CTNNA2: variants seen among roughly 807,000 people sequenced by gnomAD.
CTNNA2 encodes catenin alpha 2.
Under a neutral mutation model 101.0 loss-of-function variants are expected in CTNNA2, and 42 were observed. The observed-to-expected ratio is 0.42, with a 90% CI of 0.32 to 0.54. The LOEUF is 0.54. Ranked by LOEUF, CTNNA2 falls within the 20% of genes least tolerant of loss-of-function variation. CTNNA2 has a pLI of 0.14. For missense variants in CTNNA2, 871 were observed against 1,223.1 expected (o/e 0.71, Z 4.29); for synonymous variants, 450 against 456.4 (o/e 0.99, Z 0.18).
At chr2:80,637,270 T>C (rs748497515) in intron 18 of CTNNA2, among the ~76,000 whole-genome samples, 4 of 152,228 alleles carry the variant, frequency 2.6e-5, no homozygotes, top group Non-Finnish European at 4.4e-5. Flanking sequence ...CATTATCTCA[T>C]TTAATGCTTT....
chr2:79,845,591 A>T (rs1196113016), intron 3 of CTNNA2, among the ~76,000 whole-genome samples: 3 of 151,946 alleles, frequency 2.0e-5, no homozygotes, highest in Non-Finnish European at 2.9e-5. Context: ...TTTTAACTTT[A>T]TTTTACTTAT....
chr2:79,848,841 T>A (rs773799123), intron 3 of CTNNA2, among the ~76,000 whole-genome samples: 1 of 152,168 alleles, frequency 6.6e-6, no homozygotes, highest in South Asian at 2.1e-4. Flanking sequence ...CAGAACCATG[T>A]GGCTATAGTG....
At chr2:80,236,095 G>T (rs2149083402) in intron 7 of CTNNA2, among the ~76,000 whole-genome samples, 1 of 152,286 alleles carries the variant, frequency 6.6e-6, no homozygotes, top group Non-Finnish European at 1.5e-5. Context: ...GTTTGCTAGG[G>T]ATAATGGCCT....
chr2:80,521,953 TAAATG>T (rs780502092), intron 9 of CTNNA2, among the ~76,000 whole-genome samples: 6 of 152,258 alleles, frequency 3.9e-5, no homozygotes, highest in East Asian at 1.9e-4. Context: ...AGGAGTAACT[TAAATG>T]AAGAGAGGGA....
At chr2:80,645,021 T>G (rs1558675676) in intron 18 of CTNNA2, among the ~76,000 whole-genome samples, 1 of 152,130 alleles carries the variant, frequency 6.6e-6, no homozygotes, top group Non-Finnish European at 1.5e-5. Context: ...TCTCTTCAGA[T>G]CAGCTCAATT....
chr2:79,201,036 G>T (rs577041927), intron 2 of CTNNA2, among the ~76,000 whole-genome samples: 1 of 152,072 alleles, frequency 6.6e-6, no homozygotes, highest in Non-Finnish European at 1.5e-5. Context: ...CTAGCAAAAA[G>T]ATGGCCTTGT....
chr2:79,765,685 C>G (rs1010341009), intron 3 of CTNNA2, among the ~76,000 whole-genome samples: 3 of 152,160 alleles, frequency 2.0e-5, no homozygotes, highest in Non-Finnish European at 4.4e-5. Context: ...TTCTCCCCCA[C>G]AGGAATATGC....
At chr2:79,272,336 TA>T (rs552404824) in intron 2 of CTNNA2, among the ~76,000 whole-genome samples, 1 of 151,680 alleles carries the variant, frequency 6.6e-6, no homozygotes. Context: ...CATAACAGAT[TA>T]AAAAAAAGAG....
chr2:80,169,309 G>C (rs1028841778), intron 7 of CTNNA2, among the ~76,000 whole-genome samples: 1 of 152,186 alleles, frequency 6.6e-6, no homozygotes, highest in Non-Finnish European at 1.5e-5. Context: ...GCTGGGATCG[G>C]AGGGGAGAGG....
chr2:79,435,300 T>C (rs941442223), intron 4 of CTNNA2, among the ~76,000 whole-genome samples: 4 of 152,196 alleles, frequency 2.6e-5, no homozygotes, highest in African/African-American at 9.6e-5. Context: ...TGTTGTCATA[T>C]GGCCTGCTTA....
At chr2:79,765,930 A>G (rs1037810762) in intron 3 of CTNNA2, among the ~76,000 whole-genome samples, 2 of 152,182 alleles carry the variant, frequency 1.3e-5, no homozygotes, top group African/African-American at 4.8e-5. Context: ...CACGTTGTCA[A>G]TGCTCAGTAT....
At chr2:79,592,048 T>G (rs1676891232) in intron 1 of CTNNA2, among the ~76,000 whole-genome samples, 1 of 151,904 alleles carries the variant, frequency 6.6e-6, no homozygotes, top group African/African-American at 2.4e-5. Flanking sequence ...CTTTCTGTTT[T>G]CCTCTTACTT....
intron 2 of CTNNA2, among the ~76,000 whole-genome samples, chr2:79,684,178 A>G (rs1683775427): frequency 6.6e-6 from 1 of 152,216 alleles, no homozygotes; most frequent in African/African-American, 2.4e-5. Flanking sequence ...AGAATGATGC[A>G]TTTCCAAAAT....
At chr2:80,460,027 C>G (rs1419271912) in intron 9 of CTNNA2, among the ~76,000 whole-genome samples, 1 of 152,158 alleles carries the variant, frequency 6.6e-6, no homozygotes, top group African/African-American at 2.4e-5. Context: ...CCTGACTTCT[C>G]AGATACTTAA....
At chr2:80,075,500 A>C (rs1698615670) in intron 7 of CTNNA2, among the ~76,000 whole-genome samples, 1 of 150,568 alleles carries the variant, frequency 6.6e-6, no homozygotes, top group Admixed American at 6.6e-5. Flanking sequence ...TTGCTTAGGA[A>C]AATGCATAGC....
At chr2:80,034,600 C>G (rs569392364) in intron 7 of CTNNA2, among the ~76,000 whole-genome samples, 1 of 152,086 alleles carries the variant, frequency 6.6e-6, no homozygotes, top group Non-Finnish European at 1.5e-5. Context: ...GTGATCCGCC[C>G]GCTTCTGCCT....
intron 7 of CTNNA2, among the ~76,000 whole-genome samples, chr2:80,122,013 C>T (rs775119654): frequency 4.6e-5 from 7 of 152,126 alleles, no homozygotes; most frequent in South Asian, 2.1e-4. Flanking sequence ...TCAGTTTCCT[C>T]GGCTTGGTCA....
intron 15 of CTNNA2, among the ~76,000 whole-genome samples, chr2:80,591,457 G>GTTTTTTTATTTTTTTT: frequency 1.4e-5 from 1 of 70,314 alleles, no homozygotes; most frequent in Non-Finnish European, 3.0e-5. Flanking sequence ...TGCACAGCCT[G>GTTTTTTTATTTTTTTT]TTTTTTTTTT....
At chr2:79,924,596 G>A (rs547338122) in intron 7 of CTNNA2, among the ~76,000 whole-genome samples, 38 of 152,158 alleles carry the variant, frequency 2.5e-4, no homozygotes, top group South Asian at 6.2e-4. Context: ...TTCTTCCATC[G>A]CTACGTTCAG....
Sources: gnomAD v4.1 joint callset for allele counts (sites outside exome capture counted in the v4.1 genomes callset) on GRCh38, gnomAD v4.1.1 for gene constraint, MANE v1.5 for transcripts, NCBI Gene and HGNC (gene_info 2026-07-23, HGNC 2026-07-21) for gene names.